Variants in EIF3H observed in about 807,000 individuals in gnomAD.
EIF3H encodes the protein eIF-3-gamma.
In EIF3H, 26 loss-of-function variants were observed where a neutral mutation model predicts 44.2. That is an observed-to-expected ratio of 0.59 (90% CI 0.43 to 0.82). The LOEUF (loss-of-function observed/expected upper bound fraction) is 0.82, where lower values mean the gene tolerates loss of function less well. Among genes scored for constraint, EIF3H ranks in the 40% least tolerant of loss-of-function variants. EIF3H has a pLI of 0.00. For missense variants in EIF3H, 359 were observed against 432.8 expected (o/e 0.83, Z 1.51); for synonymous variants, 166 against 151.9 (o/e 1.09, Z -0.68).
At chr8:116,708,988 C>G (rs1458353770) in intron 2 of EIF3H, among the ~76,000 whole-genome samples, 1 of 149,246 alleles carries the variant, frequency 6.7e-6, no homozygotes, top group Non-Finnish European at 1.5e-5. Context: ...TAGCCAGGGC[C>G]TTTCTTTAAA....
intron 1 of EIF3H, among the ~76,000 whole-genome samples, chr8:116,731,420 T>G (rs1364164901): frequency 6.6e-6 from 1 of 152,232 alleles, no homozygotes; most frequent in East Asian, 1.9e-4. Flanking sequence ...TTCTAATTTC[T>G]AATGAAGTTG....
At chr8:116,746,190 T>C (rs1174835299) in intron 1 of EIF3H, among the ~76,000 whole-genome samples, 1 of 152,216 alleles carries the variant, frequency 6.6e-6, no homozygotes, top group Non-Finnish European at 1.5e-5. Context: ...GATTCTAATG[T>C]ATGTTTTCTC....
At chr8:116,697,855 TG>T (rs1323007123) in intron 2 of EIF3H, among the ~76,000 whole-genome samples, 2 of 152,202 alleles carry the variant, frequency 1.3e-5, no homozygotes, top group African/African-American at 4.8e-5. Context: ...TATGCTTTAG[TG>T]GGGGGCATAC....
chr8:116,757,134 A>C (rs1815462526), upstream of EIF3H, among the ~76,000 whole-genome samples: 2 of 152,186 alleles, frequency 1.3e-5, no homozygotes, highest in African/African-American at 4.8e-5. Flanking sequence ...AATATTTTGC[A>C]ATTTTTTTGT....
intron 2 of EIF3H, among the ~76,000 whole-genome samples, chr8:116,714,951 T>C (rs1188611454): frequency 6.6e-6 from 1 of 152,096 alleles, no homozygotes; most frequent in Non-Finnish European, 1.5e-5. Flanking sequence ...AGTTTTACCC[T>C]AGGTGTGGGC....
At position 116,679,552 on chromosome 8, in the gene EIF3H, C is replaced by T. The variant is rs1435737417; in HGVS notation, c.290-20572G>A. On this transcript the variant is annotated intron_variant, in intron 2 of 7. Transcript: ENST00000521861. Reference sequence around the variant, plus strand: ...GAGGGAGGTGGGGGGGTCAGCCCCCCGCCCGGCCAGCCGCCCCATCCGGGA... The same window carrying T: ...GAGGGAGGTGGGGGGGTCAGCCCCCTGCCCGGCCAGCCGCCCCATCCGGGA... Among the ~76,000 whole-genome samples, 19 of 17,760 alleles carry T rather than the reference C, an allele frequency of 1.1e-3. No individual in the cohort carries two copies. The East Asian group carries it at 0.015, about 14-fold the overall frequency. 11.7% of individuals were successfully genotyped at this position (17,760 alleles called of 152,430 possible).
chr8:116,703,911 T>C (rs1055557859), intron 2 of EIF3H, among the ~76,000 whole-genome samples: 2 of 152,224 alleles, frequency 1.3e-5, no homozygotes, highest in Non-Finnish European at 2.9e-5. Context: ...CCAGTAGGGC[T>C]GGACCCTACA....
rs545896300 is a variant in EIF3H, at chr8:116,663,170, G to A, written c.290-4190C>T. 8.6e-4 allele frequency among the ~76,000 whole-genome samples: 131 copies of A among 152,156 alleles called. 2 individuals carry two copies. The South Asian group carries it at 0.023, about 27-fold the overall frequency. On this transcript the variant is annotated intron_variant, in intron 2 of 7. Transcript: ENST00000521861. Reference sequence around the variant, plus strand: ...GCTGGAGTTTTGGTATTTCACTCTCGAGAAATAAGGCTCAGGAGTGGCTCA... The same window carrying A: ...GCTGGAGTTTTGGTATTTCACTCTCAAGAAATAAGGCTCAGGAGTGGCTCA...
At chr8:116,752,761 G>GAA (rs1419811757) in intron 1 of EIF3H, among the ~76,000 whole-genome samples, 2 of 20,726 alleles carry the variant, frequency 9.6e-5, no homozygotes, top group Non-Finnish European at 2.4e-4. Flanking sequence ...AAGAGGGAGG[G>GAA]AGGGAGGGAG....
At chr8:116,725,396 T>C (rs1007949043) in intron 2 of EIF3H, among the ~76,000 whole-genome samples, 2 of 152,196 alleles carry the variant, frequency 1.3e-5, no homozygotes, top group Non-Finnish European at 2.9e-5. Context: ...TACTTAAAAT[T>C]TTTATGTGCT....
At chr8:116,667,901 C>T (rs1485899357) in intron 2 of EIF3H, among the ~76,000 whole-genome samples, 1 of 152,158 alleles carries the variant, frequency 6.6e-6, no homozygotes, top group Non-Finnish European at 1.5e-5. Flanking sequence ...TTTCAACTTC[C>T]AAACACATGA....
chr8:116,755,537 C>G (rs1201404007), intron 1 of EIF3H, 129 bp downstream of exon 1: 3 of 1,219,822 alleles, frequency 2.5e-6, no homozygotes, highest in Non-Finnish European at 3.4e-6. Context: ...GAAAGAGAAA[C>G]GTACTAGGGA....
intron 2 of EIF3H, among the ~76,000 whole-genome samples, chr8:116,724,873 T>C (rs754740082): frequency 3.9e-5 from 6 of 152,124 alleles, no homozygotes; most frequent in Non-Finnish European, 7.4e-5. Flanking sequence ...AAAAAAAACA[T>C]ACAGAAGTTC....
At chr8:116,757,429 C>G (rs1028955106), upstream of EIF3H, among the ~76,000 whole-genome samples, 1 of 152,206 alleles carries the variant, frequency 6.6e-6, no homozygotes, top group East Asian at 1.9e-4. Flanking sequence ...CCTTTATTCT[C>G]AGTTCCCATT....
At chr8:116,675,622 T>C (rs1366679295) in intron 2 of EIF3H, among the ~76,000 whole-genome samples, 3 of 152,228 alleles carry the variant, frequency 2.0e-5, no homozygotes, top group African/African-American at 7.2e-5. Context: ...AAATGTCAAA[T>C]TTATTTTAGT....
chr8:116,651,321 G>A (rs1055906599), intron 5 of EIF3H, among the ~76,000 whole-genome samples: 3 of 152,208 alleles, frequency 2.0e-5, no homozygotes, highest in Non-Finnish European at 4.4e-5. Flanking sequence ...AGGCATCAGA[G>A]AGGAATGGAG....
intron 2 of EIF3H, among the ~76,000 whole-genome samples, chr8:116,688,550 A>G (rs1814118979): frequency 6.6e-6 from 1 of 152,270 alleles, no homozygotes; most frequent in Admixed American, 6.5e-5. Flanking sequence ...CAACAAAATT[A>G]AATTCATAAT....
At chr8:116,666,450 T>G (rs2130807790) in intron 2 of EIF3H, among the ~76,000 whole-genome samples, 1 of 152,282 alleles carries the variant, frequency 6.6e-6, no homozygotes, top group African/African-American at 2.4e-5. Flanking sequence ...TATTATCTTC[T>G]TAACCAAATC....
intron 1 of EIF3H, among the ~76,000 whole-genome samples, chr8:116,751,582 G>A (rs1815345065): frequency 6.6e-6 from 1 of 152,202 alleles, no homozygotes; most frequent in Non-Finnish European, 1.5e-5. Flanking sequence ...TTAAATATGA[G>A]ATGCCTATGA....
Sources: gnomAD v4.1 joint callset for allele counts (sites outside exome capture counted in the v4.1 genomes callset) on GRCh38, gnomAD v4.1.1 for gene constraint, MANE v1.5 for transcripts, NCBI Gene and HGNC (gene_info 2026-07-23, HGNC 2026-07-21) for gene names.